Variants in CHI3L1 observed in about 807,000 individuals in gnomAD.
CHI3L1 encodes the protein chitinase-3-like protein 1.
CHI3L1 carries 30 observed loss-of-function variants against 40.7 expected under a neutral mutation model. That is an observed-to-expected ratio of 0.74 (90% CI 0.55 to 1.00). The LOEUF (loss-of-function observed/expected upper bound fraction) is 1.00, where lower values mean the gene tolerates loss of function less well. Among genes scored for constraint, CHI3L1 ranks in the 50% least tolerant of loss-of-function variants. The pLI is 0.00. For missense variants in CHI3L1, 493 were observed against 492.2 expected, an observed-to-expected ratio of 1.00 and a Z score of -0.01; for synonymous variants, 210 against 192.1, an observed-to-expected ratio of 1.09 and a Z score of -0.77.
In CHI3L1 at chr1:203,186,192, G is replaced by A. The variant is rs559101782; in HGVS notation, c.55+124C>T. On this transcript the variant is annotated intron_variant, in intron 2 of 9. Transcript: ENST00000255409. ...CCAGTTTAGCAAACGTGACTATTTCGAAGTCATTGGAAGCACAGAAGAACC... is the reference window on the plus strand; with the variant it reads ...CCAGTTTAGCAAACGTGACTATTTCAAAGTCATTGGAAGCACAGAAGAACC... 1.7e-5 allele frequency: 17 copies of A among 1,001,142 alleles called. No homozygotes were observed. In the African/African-American group the frequency reaches 1.8e-4, roughly 10 times the overall value. 62.0% of individuals were successfully genotyped at this position (1,001,142 alleles called of 1,614,324 possible).
intron 9 of CHI3L1, 86 bp from the exon 10 acceptor site, chr1:203,179,671 G>C (rs1198723795): frequency 6.2e-7 from 1 of 1,613,820 alleles, no homozygotes; most frequent in Non-Finnish European, 8.5e-7. Flanking sequence ...GCCCAGCCCA[G>C]ACCTCAGTGC....
chr1:203,179,781 G>C lies in CHI3L1; in HGVS notation c.991C>G (p.Gln331Glu), dbSNP rs1325450009. The part of the protein sequence containing the change: ...KGNQWVGYDD[Q>E]ESVKSKVQYL... ...CCTACCTTGCTTTTGACGCTTTCCT[G>C]GTCGTCGTATCCTACCCACTGGTTG... Residue 331 changes from glutamine (Q) to glutamate (E), a missense_variant, in exon 9 of 10, where the codon CAG becomes GAG. By Grantham distance (29) the Gln-to-Glu change is conservative. Transcript: ENST00000255409. The C allele has an allele frequency of 6.2e-7, 1 of 1,614,054 alleles. No individual in the cohort carries two copies. The highest frequency in any genetic ancestry group is 1.7e-5 in the Admixed American group (1 of 60,008).
chr1:203,183,586 AC>A, intron 5 of CHI3L1, 54 bp downstream of exon 5: 2 of 1,593,594 alleles, frequency 1.3e-6, no homozygotes, highest in Non-Finnish European at 1.7e-6. Context: ...CTTCTAGCCC[AC>A]CCCATTCCCT....
At chr1:203,185,532 AG>A (rs1656039082) in intron 2 of CHI3L1, 147 bp from the exon 3 acceptor site, 2 of 673,370 alleles carry the variant, frequency 3.0e-6, no homozygotes, top group Admixed American at 2.4e-5. Context: ...CTTAAATGAA[AG>A]GAGCTGGTTC....
chr1:203,183,619 C>T lies in CHI3L1; in HGVS notation c.465+22G>A, dbSNP rs371705624. The T allele has an allele frequency of 2.5e-6, 4 of 1,613,090 alleles. No individual in the cohort carries two copies. In the African/African-American group the frequency reaches 5.3e-5, roughly 22 times the overall value. On this transcript the variant is annotated intron_variant, in intron 5 of 9. Transcript: ENST00000255409. ...CCCTCATGCCTGCCCACCTCCCTCC[C>T]TGTCCCTGACCTGACCAGCACCTTG...
chr1:203,185,959 A>G (rs191862118), intron 2 of CHI3L1, among the ~76,000 whole-genome samples: 54 of 152,222 alleles, frequency 3.5e-4, no homozygotes, highest in African/African-American at 1.2e-3. Flanking sequence ...GGACCAGGAA[A>G]TCCTTCCTCG....
Position 203,179,896 on chromosome 1 carries a change from A to G in CHI3L1, c.895-19T>C. The G allele has an allele frequency of 6.2e-7, 1 of 1,612,220 alleles. No homozygotes were observed. The highest frequency in any genetic ancestry group is 1.1e-5 in the South Asian group (1 of 91,062). The stretch of plus-strand genomic sequence containing the variant: ...CACAGATCTGAGCAGATAACAGGGA[A>G]AAGGCAGTGTGGGGAGTCGTGCCGA... On this transcript the variant is annotated intron_variant, in intron 8 of 9. Coordinates refer to ENST00000255409, the MANE Select transcript of CHI3L1 (RefSeq NM_001276.4).
Position 203,180,749 on chromosome 1 carries a change from A to T in CHI3L1, c.712-97T>A, listed in dbSNP as rs979484364. 1.0e-5 allele frequency: 9 copies of T among 868,120 alleles called. No individual in the cohort carries two copies. In the Middle Eastern group the frequency reaches 9.3e-4, roughly 90 times the overall value. 53.8% of individuals were successfully genotyped at this position (868,120 alleles called of 1,614,324 possible). On this transcript the variant is annotated intron_variant, in intron 7 of 9. Coordinates refer to ENST00000255409, the MANE Select transcript of CHI3L1 (RefSeq NM_001276.4). Reference sequence around the variant, plus strand: ...CTGCCTTAGCAGGGGTTATTGGTGTATGGTGCACTGGGGATTCCCCTGTCC... The same window carrying T: ...CTGCCTTAGCAGGGGTTATTGGTGTTTGGTGCACTGGGGATTCCCCTGTCC...
rs901272623 is a variant in CHI3L1 at position 203,179,962 on chromosome 1, T to C, written c.895-85A>G. 36 of 1,229,340 alleles carry C rather than the reference T, an allele frequency of 2.9e-5. No homozygotes were observed. The Middle Eastern group carries it at 1.6e-3, about 54-fold the overall frequency. The allele number at this position is 1,229,340 out of a possible 1,614,324, so 76.2% of individuals were successfully genotyped here. A position where few individuals can be genotyped will look rare whatever the true frequency, so the allele number is the denominator to read the frequency against. Reference sequence around the variant, plus strand: ...CAGGAGACGCCACTCTCCAAATCTCTTTTAGCTCCTGCTCCATCCTGCAGC... The same window carrying C: ...CAGGAGACGCCACTCTCCAAATCTCCTTTAGCTCCTGCTCCATCCTGCAGC... On this transcript the variant is annotated intron_variant, in intron 8 of 9. Coordinates refer to ENST00000255409, the MANE Select transcript of CHI3L1 (RefSeq NM_001276.4).
At chr1:203,182,533 T>A (rs561979484) in intron 6 of CHI3L1, among the ~76,000 whole-genome samples, 198 bp downstream of exon 6, 1 of 152,382 alleles carries the variant, frequency 6.6e-6, no homozygotes, top group Non-Finnish European at 1.5e-5. Flanking sequence ...AGGATTGTTA[T>A]GCCTCATTTG....
rs1656029570 is a variant in CHI3L1 at position 203,185,169 on chromosome 1, C to T, written c.257+15G>A. ...CCCAGCTGGTCCCTCCTCTCCTGGC[C>T]AGCCCTGGCCCAACCTGTTCTTGAG... On this transcript the variant is annotated intron_variant, in intron 3 of 9. Transcript: ENST00000255409. The T allele has an allele frequency of 1.9e-6, 3 of 1,612,690 alleles. No individual in the cohort carries two copies. The highest frequency in any genetic ancestry group is 2.2e-5 in the South Asian group (2 of 90,904).
At chr1:203,181,044 G>C in intron 7 of CHI3L1, 118 bp downstream of exon 7, 8 of 1,316,052 alleles carry the variant, frequency 6.1e-6, no homozygotes, top group Non-Finnish European at 8.3e-6. Context: ...TGTGGAATGG[G>C]CCTCATGACC....
chr1:203,186,554 G>A, intron 1 of CHI3L1, 45 bp downstream of exon 1: 1 of 1,613,318 alleles, frequency 6.2e-7, no homozygotes, highest in Middle Eastern at 1.6e-4. Context: ...GTCTGGGCCT[G>A]AAAACCCACA....
rs942836825 is a variant in CHI3L1, at chr1:203,180,130, T to C, written c.895-253A>G. 8.0e-4 allele frequency: 458 copies of C among 573,326 alleles called. 4 individuals are homozygous for C. The highest frequency in any genetic ancestry group is 1.4e-4 in the Non-Finnish European group (45 of 321,590). The allele number at this position is 573,326 out of a possible 1,614,324, so 35.5% of individuals were successfully genotyped here. On this transcript the variant is annotated intron_variant, in intron 8 of 9. Coordinates refer to ENST00000255409, the MANE Select transcript of CHI3L1 (RefSeq NM_001276.4). ...AGATGTGAGGCCTGCTGGTTGACAC[T>C]GAGGACAGGCCCAAGGCCACACAGA...
chr1:203,179,920 G>A (rs904722193), intron 8 of CHI3L1, 43 bp from the exon 9 acceptor site: 4 of 1,591,594 alleles, frequency 2.5e-6, no homozygotes, highest in African/African-American at 1.3e-5. Context: ...GAGTCGTGCC[G>A]AGACCTTGCA....
chr1:203,183,828 T>A, intron 4 of CHI3L1, 37 bp from the exon 5 acceptor site: 1 of 1,611,904 alleles, frequency 6.2e-7, no homozygotes, highest in South Asian at 1.1e-5. Flanking sequence ...TGCTCAGCAC[T>A]GATATGCTAG....
intron 9 of CHI3L1, 61 bp downstream of exon 9, chr1:203,179,700 T>G: frequency 6.2e-7 from 1 of 1,614,142 alleles, no homozygotes; most frequent in Non-Finnish European, 8.5e-7. Context: ...GGAATCTGGC[T>G]GCTGGGAGCG....
Position 203,182,645 on chromosome 1 carries a change from T to C in CHI3L1, c.587+86A>G, listed in dbSNP as rs1309520690. On this transcript the variant is annotated intron_variant, in intron 6 of 9. Transcript: ENST00000255409. ...GACTGGAAGCCCAGTGTCCTCAGTC[T>C]ACATGGAGTGCTAGGGCTGGGGGTG... is the stretch of plus-strand genomic sequence containing the variant. 7.9e-6 allele frequency: 12 copies of C among 1,512,282 alleles called. 1 individual carries two copies. Among genetic ancestry groups the C allele is most frequent in the Middle Eastern group, 4.5e-4 (2 of 4,474 alleles). 93.7% of individuals were successfully genotyped at this position (1,512,282 alleles called of 1,614,324 possible). A position where few individuals can be genotyped will look rare whatever the true frequency, so the allele number is the denominator to read the frequency against.
chr1:203,184,651 TG>T lies in CHI3L1; in HGVS notation c.258-20del, dbSNP rs1656018362. The stretch of plus-strand genomic sequence containing the variant: ...GGGGTTCCTGTGGAGCACAGGGAGG[TG>T]GGGAGGGCAGGAGTGGAATGACATT... On this transcript the variant is annotated intron_variant, in intron 3 of 9. Coordinates refer to ENST00000255409, the MANE Select transcript of CHI3L1 (RefSeq NM_001276.4). The T allele has an allele frequency of 6.2e-7, 1 of 1,609,172 alleles. No individual in the cohort carries two copies. The highest frequency in any genetic ancestry group is 1.7e-5 in the Admixed American group (1 of 59,878).
Sources: allele counts gnomAD v4.1 joint callset (sites outside exome capture counted in the v4.1 genomes callset), GRCh38; gene constraint gnomAD v4.1.1; transcripts MANE v1.5; gene names NCBI Gene and HGNC (gene_info 2026-07-23, HGNC 2026-07-21).